Variants in NME8 observed in about 807,000 individuals in gnomAD.
NME8 encodes NME/NM23 family member 8.
NME8 carries 72 observed loss-of-function variants against 82.3 expected under a neutral mutation model. The ratio of observed to expected loss-of-function variants is 0.87; its 90% CI spans 0.72 to 1.06. The LOEUF is 1.06. NME8 is among the 50% of genes least tolerant of loss of function. NME8 has a pLI of 0.00. For synonymous variants in NME8, 267 were observed against 228.5 expected (o/e 1.17, Z -1.52); for missense variants, 712 against 685.4 (o/e 1.04, Z -0.43).
intron 11 of NME8, among the ~76,000 whole-genome samples, chr7:37,869,210 CTAA>C (rs1784734414): frequency 6.6e-6 from 1 of 152,086 alleles, no homozygotes; most frequent in South Asian, 2.1e-4. Context: ...GTGGGAGATC[CTAA>C]TATCATTAAT....
chr7:37,894,200 C>G (rs1025733168), intron 15 of NME8, among the ~76,000 whole-genome samples: 2 of 152,108 alleles, frequency 1.3e-5, no homozygotes, highest in Non-Finnish European at 2.9e-5. Context: ...GAGCAGGTCC[C>G]TTCCCCTTCT....
chr7:37,900,133 C>G (rs1292929416), intron 17 of NME8, 111 bp from the exon 18 acceptor site: 1 of 152,208 alleles, frequency 6.6e-6, no homozygotes, highest in Non-Finnish European at 1.5e-5. Context: ...AGGCCCATCT[C>G]CCAGCTCTGT....
intron 14 of NME8, among the ~76,000 whole-genome samples, chr7:37,885,572 G>A (rs577949643): frequency 1.4e-3 from 218 of 152,290 alleles, no homozygotes; most frequent in Non-Finnish European, 3.0e-3. Context: ...CTTTGAGAAG[G>A]TTATGGTGGC....
rs1376113644 is a variant in NME8, at chr7:37,884,400, A to T, written c.1092A>T (p.Glu364Asp). The T allele has an allele frequency of 1.1e-5, 18 of 1,610,820 alleles. No homozygotes were observed. Among genetic ancestry groups the T allele is most frequent in the Non-Finnish European group, 1.5e-5 (18 of 1,177,168 alleles). ...AAGAAGCACAAGCACTGTGCAAGGA[A>T]TATGAAAATGAAGACTATTTTAATA... ...SEKEAQALCK[E>D]YENEDYFNKL... is the part of the protein sequence containing the mutation. Residue 364 changes from glutamate (E) to aspartate (D), a missense_variant, in exon 13 of 18, where the codon GAA (glutamate) becomes GAT (aspartate). Transcript: ENST00000199447.
At chr7:37,864,245 T>G (rs1784640376) in intron 8 of NME8, 103 bp from the exon 9 acceptor site, 3 of 1,386,526 alleles carry the variant, frequency 2.2e-6, no homozygotes, top group East Asian at 5.2e-5. Context: ...GGGCAACAAT[T>G]AACTGATCAT....
chr7:37,876,582 T>A (rs1299764970), intron 11 of NME8, among the ~76,000 whole-genome samples: 1 of 152,156 alleles, frequency 6.6e-6, no homozygotes, highest in Non-Finnish European at 1.5e-5. Flanking sequence ...ATTTTGATCT[T>A]TGTTTATTCT....
chr7:37,894,505 T>C lies in NME8; in HGVS notation c.1439T>C (p.Leu480Pro), dbSNP rs1399546959. ...LKIVKEAGFD[L>P]TQVKKMFLTP... ...ATAGTTAAGGAGGCTGGATTTGATC[T>C]GACACAGGTGAAGAAAATGTTCCTA... Residue 480 changes from leucine to proline, a missense_variant, in exon 16 of 18, where the codon CTG becomes CCG. Transcript: ENST00000199447. 6.2e-7 allele frequency: 1 copy of C among 1,613,146 alleles called. No individual in the cohort carries two copies. Among genetic ancestry groups the C allele is most frequent in the South Asian group, 1.1e-5 (1 of 91,054 alleles).
intron 11 of NME8, among the ~76,000 whole-genome samples, chr7:37,869,442 T>C (rs1260637756): frequency 1.3e-5 from 2 of 152,162 alleles, no homozygotes; most frequent in African/African-American, 4.8e-5. Flanking sequence ...TATGAAGCAC[T>C]CATTAATGTG....
chr7:37,896,383 G>GAA (rs35391392), intron 16 of NME8, among the ~76,000 whole-genome samples: 93,687 of 151,874 alleles, frequency 0.62, 30,420 homozygotes, highest in Non-Finnish European at 0.74. Flanking sequence ...GTGCAGACCA[G>GAA]ACAACAGCCT....
Position 37,867,760 on chromosome 7 carries a change from T to C in NME8, c.680T>C (p.Val227Ala). The change falls in exon 11 of 18, where the codon GTA (valine) becomes GCA (alanine). Residue 227 changes from valine (V) to alanine (A), a missense_variant. By Grantham distance (64) the Val-to-Ala change is moderately conservative (BLOSUM62 0). Transcript: ENST00000199447. ...AGTGGCTTAAGCTATATTCTAGTTG[T>C]ATCTCAAGGAAGTAAACACAATCCT... ...MTSGLSYILVVSQGSKHNPPS... is the reference protein window; with the variant it reads ...MTSGLSYILVASQGSKHNPPS... 1 of 1,613,780 alleles carries C rather than the reference T, an allele frequency of 6.2e-7. No homozygotes were observed. Among genetic ancestry groups the C allele is most frequent in the Non-Finnish European group, 8.5e-7 (1 of 1,179,748 alleles).
At chr7:37,866,180 C>T (rs571514866) in intron 10 of NME8, among the ~76,000 whole-genome samples, 6 of 151,992 alleles carry the variant, frequency 3.9e-5, no homozygotes, top group Non-Finnish European at 7.4e-5. Flanking sequence ...AATATGGTAG[C>T]TACTAGATAC....
At chr7:37,861,802 G>A (rs1486418614) in intron 6 of NME8, among the ~76,000 whole-genome samples, 2 of 152,176 alleles carry the variant, frequency 1.3e-5, no homozygotes, top group Non-Finnish European at 2.9e-5. Flanking sequence ...GCAAGGTGCT[G>A]GAGGACATGC....
chr7:37,889,671 C>T (rs1785098940), intron 15 of NME8, among the ~76,000 whole-genome samples: 1 of 150,960 alleles, frequency 6.6e-6, no homozygotes, highest in East Asian at 1.9e-4. Context: ...TTTTAAAATT[C>T]TGGTAGAAGA....
chr7:37,870,375 G>C (rs764463261), intron 11 of NME8, among the ~76,000 whole-genome samples: 1 of 152,026 alleles, frequency 6.6e-6, no homozygotes, highest in African/African-American at 2.4e-5. Context: ...CAGATCATGA[G>C]GTCAGGAGAT....
intron 7 of NME8, 68 bp downstream of exon 7, chr7:37,862,212 A>G (rs559324591): frequency 2.0e-6 from 2 of 1,019,364 alleles, no homozygotes; most frequent in African/African-American, 3.2e-5. Context: ...AACAAAATGC[A>G]CTACTGGTGC....
At chr7:37,895,773 C>G (rs373130879) in intron 16 of NME8, among the ~76,000 whole-genome samples, 3 of 152,012 alleles carry the variant, frequency 2.0e-5, no homozygotes, top group South Asian at 2.1e-4. Flanking sequence ...AATGCATTAC[C>G]ATTTGTGTTC....
At position 37,871,426 on chromosome 7, in the gene NME8, G is replaced by A. The variant is rs150075759; in HGVS notation, c.818+3528G>A. On this transcript the variant is annotated intron_variant, in intron 11 of 17. Transcript: ENST00000199447. ...AATCAGCCTGTTTTAAGAAATCAAA[G>A]GATAGTGTAATTTATCTTTGCTTTC... 8.5e-5 allele frequency among the ~76,000 whole-genome samples: 13 copies of A among 152,294 alleles called. No homozygotes were observed. In the East Asian group the frequency reaches 2.5e-3, roughly 29 times the overall value.
Position 37,867,833 on chromosome 7 carries a change from A to T in NME8, c.753A>T (p.Arg251=), listed in dbSNP as rs200131495. The T allele has an allele frequency of 6.2e-6, 10 of 1,613,898 alleles. No homozygotes were observed. Among genetic ancestry groups the T allele is most frequent in the Non-Finnish European group, 8.5e-6 (10 of 1,179,882 alleles). Reference sequence around the variant, plus strand: ...AGACTGACACCGAACCTAACGAACGATCTGAGGATCAACCTGAGGTCGAAG... The same window carrying T: ...AGACTGACACCGAACCTAACGAACGTTCTGAGGATCAACCTGAGGTCGAAG... ...EPQTDTEPNE[R]SEDQPEVEAQ... Residue 251 remains arginine (R), a synonymous_variant, in exon 11 of 18, where the codon CGA becomes CGT. Coordinates refer to ENST00000199447, the MANE Select transcript of NME8 (RefSeq NM_016616.5).
At chr7:37,876,754 C>A in intron 11 of NME8, 78 bp from the exon 12 acceptor site, 1 of 1,034,688 alleles carries the variant, frequency 9.7e-7, no homozygotes, top group Non-Finnish European at 1.5e-6. Context: ...AATTTCTGAA[C>A]ATATCAGATT....
Sources: gnomAD v4.1 joint callset for allele counts (sites outside exome capture counted in the v4.1 genomes callset) on GRCh38, gnomAD v4.1.1 for gene constraint, MANE v1.5 for transcripts, NCBI Gene and HGNC (gene_info 2026-07-23, HGNC 2026-07-21) for gene names.